PHC3: variants seen among roughly 807,000 people sequenced by gnomAD.
PHC3 encodes polyhomeotic-like protein 3.
PHC3 carries 13 observed loss-of-function variants against 107.4 expected under a neutral mutation model. That is an observed-to-expected ratio of 0.12 (90% CI 0.08 to 0.19). The LOEUF is 0.19. PHC3 is among the 10% of genes least tolerant of loss of function. The pLI is 1.00. For missense variants in PHC3, 992 were observed against 1,210.9 expected (o/e 0.82, Z 2.68); for synonymous variants, 456 against 427.4 (o/e 1.07, Z -0.83).
chr3:170,104,484 G>A (rs1716089334), intron 12 of PHC3, among the ~76,000 whole-genome samples: 1 of 152,114 alleles, frequency 6.6e-6, no homozygotes, highest in Non-Finnish European at 1.5e-5. Context: ...TGTTGCCCAG[G>A]TGGGTCTCAA....
chr3:170,112,820 G>A (rs1380442121), intron 11 of PHC3, among the ~76,000 whole-genome samples: 1 of 152,130 alleles, frequency 6.6e-6, no homozygotes, highest in Non-Finnish European at 1.5e-5. Flanking sequence ...CATCGTGCCT[G>A]GCCTTATTTC....
intron 3 of PHC3, 102 bp from the exon 4 acceptor site, chr3:170,171,552 C>A (rs1342078309): frequency 1.5e-5 from 12 of 777,486 alleles, no homozygotes; most frequent in South Asian, 5.6e-5. Flanking sequence ...GTCAAAAGGC[C>A]TATGTATGAA....
intron 2 of PHC3, among the ~76,000 whole-genome samples, chr3:170,175,638 G>T (rs1035475591): frequency 6.6e-6 from 1 of 150,706 alleles, no homozygotes; most frequent in Admixed American, 6.6e-5. Flanking sequence ...AAAAAAAAAG[G>T]GGGGGGCCAG....
chr3:170,117,043 G>C (rs1385270879), intron 10 of PHC3, 183 bp downstream of exon 10: 1 of 744,312 alleles, frequency 1.3e-6, no homozygotes, highest in East Asian at 2.8e-5. Context: ...TCTAAACTTA[G>C]CTGGCATAAA....
At position 170,159,023 on chromosome 3, in the gene PHC3, G is replaced by A. The variant is rs534446368; in HGVS notation, c.415-9779C>T. Among the ~76,000 whole-genome samples, 12 of 151,762 alleles carry A rather than the reference G, an allele frequency of 7.9e-5. 1 individual carries two copies. The highest frequency in any genetic ancestry group is 6.2e-4 in the South Asian group (3 of 4,802). ...TCCCAGCACTTTGGGAGGCCAAGGCGGGCAGATCACAAGGTCAGGAGATCG... is the reference window on the plus strand; with the variant it reads ...TCCCAGCACTTTGGGAGGCCAAGGCAGGCAGATCACAAGGTCAGGAGATCG... On this transcript the variant is annotated intron_variant, in intron 4 of 14. Coordinates refer to ENST00000495893, the MANE Select transcript of PHC3 (RefSeq NM_024947.4).
intron 9 of PHC3, among the ~76,000 whole-genome samples, chr3:170,117,793 G>A (rs988576844): frequency 6.1e-5 from 9 of 148,688 alleles, no homozygotes; most frequent in African/African-American, 1.0e-4. Flanking sequence ...AGGAGAATTC[G>A]AGACCATCCT....
rs530243466 is a variant in PHC3, at chr3:170,088,210, G to A, written c.*9020C>T. 4.3e-4 allele frequency: 65 copies of A among 152,176 alleles called. No individual in the cohort carries two copies. The highest frequency in any genetic ancestry group is 1.5e-3 in the African/African-American group (63 of 41,524). 9.4% of individuals were successfully genotyped at this position (152,176 alleles called of 1,614,324 possible). ...CCTTGGTGATCTTTGTTCATCCTGG[G>A]TGGATCATCTTTTGAGGTTTTAATA... is the stretch of plus-strand genomic sequence containing the variant. On this transcript the variant is annotated 3_prime_UTR_variant, in exon 15 of 15. Transcript: ENST00000495893.
chr3:170,139,500 A>G (rs972568139), intron 6 of PHC3, among the ~76,000 whole-genome samples: 5 of 152,198 alleles, frequency 3.3e-5, no homozygotes, highest in Non-Finnish European at 7.3e-5. Context: ...AATGAAAAGT[A>G]TATTCACAGT....
rs1560033331 is a variant in PHC3, at chr3:170,111,313, G to GAACGAACGAAC, written c.2353+2046_2353+2047insGTTCGTTCGTT. ...AGGAAGGAAGGAAGGAAGGAAGGAAGGAAGGAACGAACGAACGAAAGAACA... is the reference window on the plus strand; with the variant it reads ...AGGAAGGAAGGAAGGAAGGAAGGAAGAACGAACGAACGAAGGAACGAACGAACGAAAGAACA... On this transcript the variant is annotated intron_variant, in intron 11 of 14. Coordinates refer to ENST00000495893, the MANE Select transcript of PHC3 (RefSeq NM_024947.4). Among the ~76,000 whole-genome samples the GAACGAACGAAC allele has an allele frequency of 8.9e-4, 99 of 110,942 alleles. 1 individual carries two copies. Among genetic ancestry groups the GAACGAACGAAC allele is most frequent in the Middle Eastern group, 4.8e-3 (1 of 208 alleles). 72.8% of individuals were successfully genotyped at this position (110,942 alleles called of 152,430 possible).
intron 14 of PHC3, among the ~76,000 whole-genome samples, chr3:170,101,231 ATCTT>A (rs1463170730): frequency 6.6e-6 from 1 of 152,194 alleles, no homozygotes; most frequent in African/African-American, 2.4e-5. Context: ...AAACAATTCC[ATCTT>A]TCTTTAAAAG....
chr3:170,145,322 G>C, intron 6 of PHC3, 101 bp downstream of exon 6: 1 of 797,636 alleles, frequency 1.3e-6, no homozygotes, highest in South Asian at 2.4e-5. Context: ...GCATGACAAA[G>C]AGCACTGAAA....
chr3:170,115,877 T>A (rs924781162), intron 10 of PHC3, among the ~76,000 whole-genome samples: 39 of 148,572 alleles, frequency 2.6e-4, no homozygotes, highest in East Asian at 1.6e-3. Context: ...TCCAAGTTTC[T>A]CACACACACA....
intron 10 of PHC3, among the ~76,000 whole-genome samples, chr3:170,114,676 G>C (rs1158026244): frequency 6.6e-6 from 1 of 152,136 alleles, no homozygotes; most frequent in Non-Finnish European, 1.5e-5. Flanking sequence ...TATTTTAGAA[G>C]TATTTTCAAC....
At position 170,088,797 on chromosome 3, in the gene PHC3, C is replaced by T. The variant is rs1353273236; in HGVS notation, c.*8433G>A. 6.6e-6 allele frequency: 1 copy of T among 152,210 alleles called. No homozygotes were observed. The highest frequency in any genetic ancestry group is 2.4e-5 in the African/African-American group (1 of 41,446). The allele number at this position is 152,210 out of a possible 1,614,324, so 9.4% of individuals were successfully genotyped here. On this transcript the variant is annotated 3_prime_UTR_variant, in exon 15 of 15. Coordinates refer to ENST00000495893, the MANE Select transcript of PHC3 (RefSeq NM_024947.4). ...TCTGGCTACTTAGATGATAGTCTTC[C>T]TGTTTTCAATTAGTTTGAAAGATTC...
chr3:170,155,652 C>T (rs1456598667), intron 4 of PHC3, among the ~76,000 whole-genome samples: 1 of 151,970 alleles, frequency 6.6e-6, no homozygotes, highest in Non-Finnish European at 1.5e-5. Flanking sequence ...GCCTGGGAGG[C>T]GGAGGTTGCA....
intron 4 of PHC3, chr3:170,171,141 G>C (rs745505138): frequency 7.0e-6 from 4 of 569,008 alleles, no homozygotes; most frequent in Non-Finnish European, 1.2e-5. Context: ...CATGATCAGT[G>C]CAAATGGATA....
At chr3:170,151,394 C>T (rs759652520) in intron 4 of PHC3, among the ~76,000 whole-genome samples, 3 of 152,010 alleles carry the variant, frequency 2.0e-5, no homozygotes, top group Admixed American at 6.6e-5. Flanking sequence ...TGTGACCAAA[C>T]GGTATCACTG....
Position 170,095,259 on chromosome 3 carries a change from T to C in PHC3, c.*1971A>G, listed in dbSNP as rs754292367. The stretch of plus-strand genomic sequence containing the variant: ...TACTTTAATCCAATGATTAAAAATG[T>C]GATATAAAGAAATACGTAACATAGA... On this transcript the variant is annotated 3_prime_UTR_variant, in exon 15 of 15. Transcript: ENST00000495893. The C allele has an allele frequency of 3.9e-5, 6 of 152,266 alleles. No homozygotes were observed. The highest frequency in any genetic ancestry group is 1.3e-4 in the Admixed American group (2 of 15,286). 9.4% of individuals were successfully genotyped at this position (152,266 alleles called of 1,614,324 possible).
At chr3:170,102,132 A>T (rs772528142) in intron 14 of PHC3, 7 of 982,522 alleles carry the variant, frequency 7.1e-6, no homozygotes, top group African/African-American at 5.2e-5. Context: ...ATAGAAAAAT[A>T]GAAGAGCAGA....
Sources: gnomAD v4.1 joint callset for allele counts (sites outside exome capture counted in the v4.1 genomes callset) on GRCh38, gnomAD v4.1.1 for gene constraint, MANE v1.5 for transcripts, NCBI Gene and HGNC (gene_info 2026-07-23, HGNC 2026-07-21) for gene names.